The following PDE4D variants were observed in gnomAD, a reference collection of about 807,000 sequenced individuals.
PDE4D encodes phosphodiesterase 4D, also known as 3',5'-cyclic-AMP phosphodiesterase 4D.
PDE4D carries 24 observed loss-of-function variants against 87.4 expected under a neutral mutation model. The ratio of observed to expected loss-of-function variants is 0.27; its 90% CI spans 0.20 to 0.39. PDE4D has a LOEUF of 0.39. PDE4D is among the 10% of genes least tolerant of loss of function. PDE4D has a pLI of 1.00. For synonymous variants in PDE4D, 384 were observed against 383.2 expected (o/e 1.00, Z -0.02); for missense variants, 714 against 1,041.0 (o/e 0.69, Z 4.32).
Position 59,453,723 on chromosome 5 carries a change from GT to G in PDE4D, c.456-237756del. Among the ~76,000 whole-genome samples, 3 of 152,322 alleles carry G rather than the reference GT, an allele frequency of 2.0e-5. No homozygotes were observed. The East Asian group carries it at 5.8e-4, about 29-fold the overall frequency. On this transcript the variant is annotated intron_variant, in intron 1 of 14. Coordinates refer to ENST00000340635, the MANE Select transcript of PDE4D (RefSeq NM_001104631.2). ...AAGCCAGCAGAGACTGTCTCATGAGGTTTAAGGAAAATGCCATCTCCACAAC... is the reference window on the plus strand; with the variant it reads ...AAGCCAGCAGAGACTGTCTCATGAGGTTAAGGAAAATGCCATCTCCACAAC...
chr5:59,801,784 T>C lies in PDE4D; in HGVS notation c.455+91384A>G, dbSNP rs900460200. Among the ~76,000 whole-genome samples, 14 of 152,208 alleles carry C rather than the reference T, an allele frequency of 9.2e-5. 1 individual carries two copies. Among genetic ancestry groups the C allele is most frequent in the Admixed American group, 9.2e-4 (14 of 15,280 alleles). ...CAAACAACTCTGTTCCAATAATTAA[T>C]GACAAGAACAACAAACACTTACCCA... On this transcript the variant is annotated intron_variant, in intron 1 of 14. Transcript: ENST00000340635.
intron 1 of PDE4D, among the ~76,000 whole-genome samples, chr5:59,704,221 C>A (rs553165345): frequency 1.3e-5 from 2 of 152,216 alleles, no homozygotes; most frequent in East Asian, 3.9e-4. Context: ...TCGTATTTAA[C>A]AATATAAACA....
chr5:58,990,371 A>G (rs1217674195), intron 9 of PDE4D, among the ~76,000 whole-genome samples: 1 of 152,182 alleles, frequency 6.6e-6, no homozygotes, highest in African/African-American at 2.4e-5. Context: ...CAAAGGGTCA[A>G]TAAGAGAGAG....
At chr5:60,329,794 T>C (rs1757158011) in intron 1 of PDE4D, among the ~76,000 whole-genome samples, 1 of 152,228 alleles carries the variant, frequency 6.6e-6, no homozygotes, top group Non-Finnish European at 1.5e-5. Context: ...GTTTGTCCTC[T>C]ATGATTTGAT....
At position 59,134,557 on chromosome 5, in the gene PDE4D, C is replaced by T. The variant is rs74422672; in HGVS notation, c.808+46038G>A. Among the ~76,000 whole-genome samples, 1,489 of 152,220 alleles carry T rather than the reference C, an allele frequency of 9.8e-3. 7 individuals carry two copies. The highest frequency in any genetic ancestry group is 0.017 in the Non-Finnish European group (1,131 of 67,992). The stretch of plus-strand genomic sequence containing the variant: ...AAACGAAACCCTGGCATTTTTCTTT[C>T]CTTCAGAAATATGCCCACATTTTAT... On this transcript the variant is annotated intron_variant, in intron 5 of 14. Coordinates refer to ENST00000340635, the MANE Select transcript of PDE4D (RefSeq NM_001104631.2).
chr5:59,945,013 G>A (rs1234020657), intron 3 of PDE4D, among the ~76,000 whole-genome samples: 1 of 152,110 alleles, frequency 6.6e-6, no homozygotes, highest in Non-Finnish European at 1.5e-5. Flanking sequence ...GATATACACT[G>A]TTACATGTTA....
intron 5 of PDE4D, chr5:59,157,230 T>C (rs1049367429): frequency 2.9e-6 from 2 of 689,218 alleles, no homozygotes; most frequent in Non-Finnish European, 5.3e-6. Context: ...TGAAGCCTAG[T>C]AAATCACTTG....
In PDE4D at chr5:59,813,479, CACAT is replaced by C. The variant is rs761200365; in HGVS notation, c.455+79685_455+79688del. On this transcript the variant is annotated intron_variant, in intron 1 of 14. Coordinates refer to ENST00000340635, the MANE Select transcript of PDE4D (RefSeq NM_001104631.2). ...ACACACACACACACACACACACACA[CACAT>C]ATGCCTGTCATTGGTTACCTTTCCC... 5.0e-3 allele frequency among the ~76,000 whole-genome samples: 660 copies of C among 131,950 alleles called. 3 individuals carry two copies. The highest frequency in any genetic ancestry group is 0.018 in the South Asian group (71 of 3,876). 86.6% of individuals were successfully genotyped at this position (131,950 alleles called of 152,430 possible). A position where few individuals can be genotyped will look rare whatever the true frequency, so the allele number is the denominator to read the frequency against.
At chr5:59,433,031 A>T (rs1292439159) in intron 1 of PDE4D, among the ~76,000 whole-genome samples, 1 of 152,122 alleles carries the variant, frequency 6.6e-6, no homozygotes, top group Non-Finnish European at 1.5e-5. Context: ...ATTGTGATGT[A>T]TGACTGGGGT....
At chr5:59,287,751 A>T (rs1280302495) in intron 1 of PDE4D, among the ~76,000 whole-genome samples, 2 of 152,180 alleles carry the variant, frequency 1.3e-5, no homozygotes, top group African/African-American at 4.8e-5. Context: ...ACAGACAGAC[A>T]GACAGACTGA....
chr5:60,283,196 T>C (rs79893279), intron 1 of PDE4D, among the ~76,000 whole-genome samples: 5,653 of 152,284 alleles, frequency 0.037, 260 homozygotes, highest in African/African-American at 0.11. Flanking sequence ...TTCATTAGTA[T>C]CTACACAGAG....
At chr5:59,006,532 T>C (rs572983240) in intron 6 of PDE4D, among the ~76,000 whole-genome samples, 2 of 152,180 alleles carry the variant, frequency 1.3e-5, no homozygotes, top group East Asian at 3.9e-4. Flanking sequence ...CAGTGAGCTA[T>C]GATTGCACCA....
At chr5:59,554,923 T>C (rs751281195) in intron 1 of PDE4D, among the ~76,000 whole-genome samples, 7 of 152,124 alleles carry the variant, frequency 4.6e-5, no homozygotes, top group Non-Finnish European at 1.0e-4. Flanking sequence ...GAAGACTAAA[T>C]ATTGTGGAAA....
intron 5 of PDE4D, among the ~76,000 whole-genome samples, chr5:59,138,076 G>C (rs115036563): frequency 1.8e-3 from 278 of 152,296 alleles, no homozygotes; most frequent in African/African-American, 6.1e-3. Context: ...TAGTATCCAT[G>C]GCAAGAGAAA....
chr5:60,093,207 G>A (rs1255807271), intron 2 of PDE4D, among the ~76,000 whole-genome samples: 1 of 152,188 alleles, frequency 6.6e-6, no homozygotes, highest in Non-Finnish European at 1.5e-5. Context: ...TCAGCTCTGT[G>A]CTGGGTGCTA....
At chr5:59,009,906 T>C (rs1302194875) in intron 6 of PDE4D, among the ~76,000 whole-genome samples, 1 of 152,222 alleles carries the variant, frequency 6.6e-6, no homozygotes, top group Non-Finnish European at 1.5e-5. Context: ...TAGTTATGTA[T>C]GATAAAACAC....
chr5:59,256,609 C>A (rs141993519), intron 1 of PDE4D, among the ~76,000 whole-genome samples: 2 of 152,032 alleles, frequency 1.3e-5, no homozygotes, highest in Non-Finnish European at 2.9e-5. Flanking sequence ...AATTGCATCA[C>A]GTTTTGATGA....
intron 1 of PDE4D, among the ~76,000 whole-genome samples, chr5:59,271,913 ATTT>A (rs902990041): frequency 6.8e-6 from 1 of 146,376 alleles, no homozygotes. Context: ...CACTCCTACC[ATTT>A]TTTTTTTTAC....
At chr5:59,257,671 G>A (rs1284851831) in intron 1 of PDE4D, among the ~76,000 whole-genome samples, 2 of 151,962 alleles carry the variant, frequency 1.3e-5, no homozygotes, top group Admixed American at 6.6e-5. Flanking sequence ...TTCAGCGAGG[G>A]TTGCCTGGTG....
Sources: allele counts gnomAD v4.1 joint callset (sites outside exome capture counted in the v4.1 genomes callset), GRCh38; gene constraint gnomAD v4.1.1; transcripts MANE v1.5; gene names NCBI Gene and HGNC (gene_info 2026-07-23, HGNC 2026-07-21).